RFFL: variants seen among roughly 807,000 people sequenced by gnomAD.
RFFL encodes the protein E3 ubiquitin-protein ligase rififylin.
Under a neutral mutation model 40.4 loss-of-function variants are expected in RFFL, and 16 were observed. The ratio of observed to expected loss-of-function variants is 0.40; its 90% CI spans 0.27 to 0.60. RFFL has a LOEUF of 0.60. Among genes scored for constraint, RFFL ranks in the 20% least tolerant of loss-of-function variants. The pLI is 0.47. For synonymous variants in RFFL, 154 were observed against 167.9 expected (o/e 0.92, Z 0.64); for missense variants, 367 against 451.7 (o/e 0.81, Z 1.70).
intron 1 of RFFL, chr17:35,073,780 C>G: frequency 6.6e-6 from 1 of 151,988 alleles, no homozygotes; most frequent in East Asian, 1.9e-4. Context: ...CAGACACACA[C>G]GCACACACAC....
intron 1 of RFFL, among the ~76,000 whole-genome samples, chr17:35,060,399 T>A (rs957591066): frequency 3.3e-5 from 5 of 152,196 alleles, no homozygotes; most frequent in African/African-American, 1.2e-4. Context: ...TATATTTAAC[T>A]ACTATATTAA....
At chr17:35,017,470 G>A in intron 4 of RFFL, 53 bp downstream of exon 4, 2 of 1,166,044 alleles carry the variant, frequency 1.7e-6, no homozygotes, top group South Asian at 2.6e-5. Context: ...AGGTTCCGAA[G>A]AACACCAGTG....
In RFFL at chr17:35,071,214, C is replaced by A. The variant is rs995847279; in HGVS notation, c.-9+17891G>T. 2.7e-3 allele frequency among the ~76,000 whole-genome samples: 388 copies of A among 144,450 alleles called. 4 individuals carry two copies. The highest frequency in any genetic ancestry group is 0.013 in the Admixed American group (192 of 14,498). The allele number at this position is 144,450 out of a possible 152,430, so 94.8% of individuals were successfully genotyped here. On this transcript the variant is annotated intron_variant, in intron 1 of 6. Transcript: ENST00000315249. ...CTCCAACTCAAAAAAAAAAAAAAAA[C>A]AAAAATTTAAAAATGATGACAATAT...
intron 1 of RFFL, among the ~76,000 whole-genome samples, chr17:35,071,197 C>CAA (rs548193599): frequency 2.1e-4 from 11 of 53,198 alleles, no homozygotes; most frequent in Admixed American, 3.7e-4. Flanking sequence ...GACTCCAACT[C>CAA]AAAAAAAAAA....
intron 1 of RFFL, among the ~76,000 whole-genome samples, chr17:35,029,928 G>A (rs577853106): frequency 3.4e-5 from 5 of 149,196 alleles, no homozygotes; most frequent in South Asian, 4.2e-4. Context: ...ACCTATGAGC[G>A]AGAACATGCG....
chr17:35,047,151 G>T (rs572508518), intron 1 of RFFL, among the ~76,000 whole-genome samples: 52 of 152,160 alleles, frequency 3.4e-4, no homozygotes, highest in Non-Finnish European at 6.2e-4. Context: ...GCTTTCACAA[G>T]ATATTATCAC....
rs1354006192 is a variant in RFFL, at chr17:35,021,769, C to T, written c.193G>A (p.Asp65Asn). 6.2e-7 allele frequency: 1 copy of T among 1,614,210 alleles called. No homozygotes were observed. The highest frequency in any genetic ancestry group is 8.5e-7 in the Non-Finnish European group (1 of 1,180,034). The change falls in exon 3 of 7, where the codon GAC (aspartate) becomes AAC (asparagine). Residue 65 changes from aspartate (D) to asparagine (N), a missense_variant. Asp to Asn is a conservative substitution (Grantham distance 23, BLOSUM62 1). Transcript: ENST00000394597. ...ANTARKQTCL[D>N]CKKNFCMTCS... ...GTCATGCAAAAATTTTTCTTACAGT[C>T]CAAGCAGGTCTGCTGCTTAGAGCAA...
chr17:35,015,520 T>A (rs2090967946), intron 5 of RFFL, among the ~76,000 whole-genome samples: 1 of 152,180 alleles, frequency 6.6e-6, no homozygotes. Context: ...AGACTCCATG[T>A]CAGTAGGCCT....
At chr17:35,071,512 G>A (rs1182373025) in intron 1 of RFFL, among the ~76,000 whole-genome samples, 2 of 151,512 alleles carry the variant, frequency 1.3e-5, no homozygotes, top group Non-Finnish European at 2.9e-5. Context: ...CAGCTACTTG[G>A]GAGGCTGAGG....
intron 1 of RFFL, among the ~76,000 whole-genome samples, chr17:35,070,527 A>G (rs2091342837): frequency 6.6e-6 from 1 of 152,208 alleles, no homozygotes; most frequent in African/African-American, 2.4e-5. Context: ...CAATTTGAAA[A>G]AGTTTTTAGG....
chr17:35,040,437 A>C lies in RFFL; in HGVS notation c.-8-13876T>G, dbSNP rs963086504. ...GCCAACATGGTGAAACCCCGTCTCT[A>C]CTAAAAATATAAAAAATTAGCCAGG... is the stretch of plus-strand genomic sequence containing the variant. On this transcript the variant is annotated intron_variant, in intron 1 of 6. Transcript: ENST00000394597. 1.1e-3 allele frequency among the ~76,000 whole-genome samples: 163 copies of C among 152,072 alleles called. 1 individual carries two copies. Among genetic ancestry groups the C allele is most frequent in the Non-Finnish European group, 1.3e-4 (9 of 67,984 alleles).
Position 35,006,881 on chromosome 17 carries a change from G to C in RFFL, c.*5087C>G, listed in dbSNP as rs2090899152. On this transcript the variant is annotated 3_prime_UTR_variant, in exon 7 of 7. Transcript: ENST00000394597. ...ACTGTTTAAAATGTGTATGTTGGGGGAGTAGGGACAGCACGGGGGAGGGGT... is the reference window on the plus strand; with the variant it reads ...ACTGTTTAAAATGTGTATGTTGGGGCAGTAGGGACAGCACGGGGGAGGGGT... 6.6e-6 allele frequency: 1 copy of C among 152,308 alleles called. No individual in the cohort carries two copies. Among genetic ancestry groups the C allele is most frequent in the African/African-American group, 2.4e-5 (1 of 41,446 alleles). 9.4% of individuals were successfully genotyped at this position (152,308 alleles called of 1,614,324 possible). A position where few individuals can be genotyped will look rare whatever the true frequency, so the allele number is the denominator to read the frequency against.
chr17:35,010,796 G>C lies in RFFL; in HGVS notation c.*1172C>G, dbSNP rs559531427. On this transcript the variant is annotated 3_prime_UTR_variant, in exon 7 of 7. Transcript: ENST00000394597. ...CCTGACCTGCCCCCAAAAATCAGTG[G>C]GCTAGGAAAGGGAATGAAAGTAGGG... The C allele has an allele frequency of 1.3e-5, 2 of 151,804 alleles. No individual in the cohort carries two copies. Among genetic ancestry groups the C allele is most frequent in the African/African-American group, 4.8e-5 (2 of 41,332 alleles). 9.4% of individuals were successfully genotyped at this position (151,804 alleles called of 1,614,324 possible).
intron 1 of RFFL, among the ~76,000 whole-genome samples, chr17:35,076,430 T>C (rs9912739): frequency 0.092 from 13,954 of 151,856 alleles, 1,952 homozygotes; most frequent in African/African-American, 0.3. Flanking sequence ...CCTATAATTG[T>C]AGCACTTTGG....
Position 35,021,724 on chromosome 17 carries a change from T to C in RFFL, c.238A>G (p.Asn80Asp). The C allele has an allele frequency of 6.2e-7, 1 of 1,614,192 alleles. No individual in the cohort carries two copies. Among genetic ancestry groups the C allele is most frequent in the Non-Finnish European group, 8.5e-7 (1 of 1,180,036 alleles). The change falls in exon 3 of 7, where the codon AAT (asparagine) becomes GAT (aspartate). Residue 80 changes from asparagine to aspartate, a missense_variant. Physicochemically the swap from Asn to Asp is conservative, Grantham distance 23. Transcript: ENST00000394597. ...CAGAGAAGGCAGAGGCGGGGCCCATTCCCTACTTGGCTCGAACAGGTCATG... is the reference window on the plus strand; with the variant it reads ...CAGAGAAGGCAGAGGCGGGGCCCATCCCCTACTTGGCTCGAACAGGTCATG... ...FCMTCSSQVG[N>D]GPRLCLLCQR... is the part of the protein sequence containing the mutation.
chr17:35,077,071 A>G (rs1486490674), intron 1 of RFFL: 1 of 166,170 alleles, frequency 6.0e-6, no homozygotes, highest in Non-Finnish European at 1.3e-5. Flanking sequence ...AAAATATATT[A>G]AAATAAATTA....
intron 1 of RFFL, among the ~76,000 whole-genome samples, chr17:35,052,915 C>T (rs928633280): frequency 1.3e-5 from 2 of 152,148 alleles, no homozygotes; most frequent in African/African-American, 4.8e-5. Context: ...AGGGATCAGA[C>T]TAGGGAGCCT....
intron 1 of RFFL, among the ~76,000 whole-genome samples, chr17:35,052,481 T>C (rs533615336): frequency 1.6e-4 from 25 of 151,628 alleles, no homozygotes; most frequent in African/African-American, 6.1e-4. Context: ...GAGGAGAGAA[T>C]GAGGCAAAAT....
intron 1 of RFFL, among the ~76,000 whole-genome samples, chr17:35,077,270 G>C (rs917033275): frequency 3.9e-5 from 6 of 152,104 alleles, no homozygotes; most frequent in African/African-American, 1.4e-4. Flanking sequence ...GCATGAGGAA[G>C]AAAATGATCA....
Sources: allele counts gnomAD v4.1 joint callset (sites outside exome capture counted in the v4.1 genomes callset), GRCh38; gene constraint gnomAD v4.1.1; transcripts MANE v1.5; gene names NCBI Gene and HGNC (gene_info 2026-07-23, HGNC 2026-07-21).